TENM1: variants seen among roughly 807,000 people sequenced by gnomAD.
The protein encoded by TENM1 is teneurin transmembrane protein 1.
Under a neutral mutation model 174.8 loss-of-function variants are expected in TENM1, and 35 were observed. The observed-to-expected ratio is 0.20, with a 90% CI of 0.15 to 0.27. TENM1 has a LOEUF of 0.27. Ranked by LOEUF, TENM1 falls within the 10% of genes least tolerant of loss-of-function variation. The pLI, the probability that TENM1 is intolerant of heterozygous loss-of-function variation, is 1.00. For missense variants in TENM1, 1,633 were observed against 2,130.1 expected, an observed-to-expected ratio of 0.77 and a Z score of 4.59; for synonymous variants, 781 against 798.7, an observed-to-expected ratio of 0.98 and a Z score of 0.37.
At chrX:124,917,219 T>C (rs1361425575) in intron 1 of TENM1, among the ~76,000 whole-genome samples, 1 of 111,906 alleles carries the variant, frequency 8.9e-6, no homozygotes, top group Non-Finnish European at 1.9e-5. Flanking sequence ...GAGGTAGGAA[T>C]ACAAGGGAGT....
At chrX:125,191,960 C>T in the TENM1 span, among the ~76,000 whole-genome samples, 1 of 109,041 alleles carries the variant, frequency 9.2e-6, no homozygotes, top group African/African-American at 3.3e-5. Flanking sequence ...TTTTTTGGCC[C>T]TTTCAACTTC....
the TENM1 span, among the ~76,000 whole-genome samples, chrX:125,065,089 T>C: frequency 1.8e-5 from 2 of 112,025 alleles, no homozygotes; most frequent in African/African-American, 3.2e-5. Flanking sequence ...GGATGAAAGA[T>C]GGTTTTACCA....
At chrX:124,871,804 CA>C (rs1340347229) in intron 3 of TENM1, among the ~76,000 whole-genome samples, 1 of 110,451 alleles carries the variant, frequency 9.1e-6, no homozygotes, top group Non-Finnish European at 1.9e-5. Flanking sequence ...GAGGCTGAGG[CA>C]GGCGAATCAT....
At chrX:124,920,930 T>C (rs2058010270) in intron 1 of TENM1, among the ~76,000 whole-genome samples, 1 of 109,629 alleles carries the variant, frequency 9.1e-6, no homozygotes, top group African/African-American at 3.3e-5. Context: ...TCTGTCATTT[T>C]TTTTTCCTTT....
At chrX:125,052,167 C>G in the TENM1 span, among the ~76,000 whole-genome samples, 6 of 111,751 alleles carry the variant, frequency 5.4e-5, no homozygotes, top group South Asian at 2.2e-3. Flanking sequence ...TTAAAAGTGA[C>G]AGCAGAAACA....
intron 11 of TENM1, among the ~76,000 whole-genome samples, chrX:124,615,137 A>T (rs1019672735): frequency 1.8e-5 from 2 of 112,414 alleles, no homozygotes; most frequent in Non-Finnish European, 3.8e-5. Context: ...CTTACTTTTT[A>T]AAAAAATATG....
chrX:125,008,260 G>T, the TENM1 span, among the ~76,000 whole-genome samples: 3 of 103,397 alleles, frequency 2.9e-5, no homozygotes, highest in South Asian at 1.3e-3. Context: ...AATGTTAAAC[G>T]AAAAAAAAAA....
At chrX:124,593,450 A>T (rs2049811472) in intron 11 of TENM1, among the ~76,000 whole-genome samples, 1 of 111,299 alleles carries the variant, frequency 9.0e-6, no homozygotes, top group South Asian at 3.8e-4. Flanking sequence ...CTTGGTGTGG[A>T]GCGGAAGGGG....
At chrX:124,481,653 G>C in intron 22 of TENM1, 79 bp downstream of exon 25, 3 of 281,006 alleles carry the variant, frequency 1.1e-5, no homozygotes, top group Non-Finnish European at 1.8e-5. Context: ...CAACAGTCTC[G>C]GGATTTTGTA....
At chrX:125,160,718 GAA>G in the TENM1 span, among the ~76,000 whole-genome samples, 1 of 109,482 alleles carries the variant, frequency 9.1e-6, no homozygotes, top group African/African-American at 3.3e-5. Context: ...TATGCTTCAA[GAA>G]AGACTACAAA....
chrX:124,956,031 T>C (rs1376513480), intron 1 of TENM1, among the ~76,000 whole-genome samples: 2 of 111,727 alleles, frequency 1.8e-5, no homozygotes, highest in Non-Finnish European at 3.8e-5. Flanking sequence ...CCCAACCTTA[T>C]AGCATTGCTG....
chrX:125,200,608 G>A, the TENM1 span, among the ~76,000 whole-genome samples: 31 of 104,774 alleles, frequency 3.0e-4, no homozygotes, highest in Admixed American at 5.3e-4. Flanking sequence ...TCTGATTCAA[G>A]GCATTCACAA....
At chrX:124,622,149 A>G (rs1220734630) in intron 11 of TENM1, among the ~76,000 whole-genome samples, 3 of 112,406 alleles carry the variant, frequency 2.7e-5, no homozygotes, top group African/African-American at 9.7e-5. Flanking sequence ...GCATCAGAAC[A>G]AGAAGGCCAC....
the TENM1 span, among the ~76,000 whole-genome samples, chrX:125,009,060 CA>C: frequency 1.1e-5 from 1 of 88,579 alleles, no homozygotes; most frequent in African/African-American, 4.2e-5. Flanking sequence ...GACAGAGACA[CA>C]AAAAACCCTT....
chrX:125,107,059 T>A, the TENM1 span, among the ~76,000 whole-genome samples: 8 of 112,132 alleles, frequency 7.1e-5, no homozygotes, highest in East Asian at 2.2e-3. Context: ...ATGTTACTGT[T>A]GTAGGTTGGG....
At chrX:124,735,878 A>G (rs1160935868) in intron 4 of TENM1, among the ~76,000 whole-genome samples, 1 of 111,824 alleles carries the variant, frequency 8.9e-6, no homozygotes, top group African/African-American at 3.3e-5. Context: ...GGAGTTAAAC[A>G]ATGGCTATTC....
chrX:124,849,979 C>T (rs1414599798), intron 3 of TENM1, among the ~76,000 whole-genome samples: 1 of 111,695 alleles, frequency 9.0e-6, no homozygotes, highest in African/African-American at 3.3e-5. Context: ...TTCTTACTCA[C>T]ACAACTTATC....
the TENM1 span, among the ~76,000 whole-genome samples, chrX:125,138,181 A>C: frequency 2.7e-5 from 3 of 111,523 alleles, no homozygotes; most frequent in Admixed American, 9.6e-5. Flanking sequence ...TCAATAATTA[A>C]ATGCTGCCCC....
intron 3 of TENM1, among the ~76,000 whole-genome samples, chrX:124,783,867 C>T (rs970490156): frequency 8.9e-6 from 1 of 111,809 alleles, no homozygotes; most frequent in African/African-American, 3.2e-5. Context: ...GTCAAGGGGG[C>T]ATCCCCCAAA....
Sources: gnomAD v4.1 joint callset for allele counts (sites outside exome capture counted in the v4.1 genomes callset) on GRCh38, gnomAD v4.1.1 for gene constraint, MANE v1.5 for transcripts, NCBI Gene and HGNC (gene_info 2026-07-23, HGNC 2026-07-21) for gene names.